The following ABLIM1 variants were observed in gnomAD, a reference collection of about 807,000 sequenced individuals.
ABLIM1 encodes actin binding LIM protein 1.
Under a neutral mutation model 107.0 loss-of-function variants are expected in ABLIM1, and 40 were observed. The ratio of observed to expected loss-of-function variants is 0.37; its 90% CI spans 0.29 to 0.49. ABLIM1 has a LOEUF of 0.49. Ranked by LOEUF, ABLIM1 falls within the 20% of genes least tolerant of loss-of-function variation. The probability of loss-of-function intolerance (pLI) is 0.97; values close to 1 mark genes in which losing one functional copy is unlikely to be tolerated. For synonymous variants in ABLIM1, 357 were observed against 357.3 expected, an observed-to-expected ratio of 1.00 and a Z score of 0.01; for missense variants, 857 against 1,008.5, an observed-to-expected ratio of 0.85 and a Z score of 2.04.
chr10:114,795,709 C>CAA, the ABLIM1 span, among the ~76,000 whole-genome samples: 7 of 109,178 alleles, frequency 6.4e-5, no homozygotes, highest in South Asian at 2.9e-4. Flanking sequence ...GACTCCATCT[C>CAA]AAAAAAAAAA....
chr10:114,638,797 C>T (rs930009282), intron 1 of ABLIM1, among the ~76,000 whole-genome samples: 7 of 152,178 alleles, frequency 4.6e-5, no homozygotes, highest in African/African-American at 1.2e-4. Context: ...ATACCTTATC[C>T]TTCATCGGTT....
At chr10:114,526,894 GGGCA>G (rs2064863181) in intron 6 of ABLIM1, 1 of 985,272 alleles carries the variant, frequency 1.0e-6, no homozygotes, top group African/African-American at 1.7e-5. Flanking sequence ...CGTGTGCGGC[GGGCA>G]GGCACGCTCT....
At chr10:114,585,337 A>G (rs2074064815) in intron 2 of ABLIM1, among the ~76,000 whole-genome samples, 1 of 152,130 alleles carries the variant, frequency 6.6e-6, no homozygotes, top group Non-Finnish European at 1.5e-5. Flanking sequence ...TTTGCCTTTT[A>G]TAAACTCCAG....
intron 1 of ABLIM1, among the ~76,000 whole-genome samples, chr10:114,627,706 A>G (rs1308969531): frequency 2.6e-5 from 4 of 152,244 alleles, no homozygotes; most frequent in Non-Finnish European, 5.9e-5. Flanking sequence ...AAGGCCCATA[A>G]ATAAGGAGGA....
intron 1 of ABLIM1, among the ~76,000 whole-genome samples, chr10:114,758,987 A>G (rs1451528762): frequency 2.6e-5 from 4 of 152,204 alleles, no homozygotes; most frequent in African/African-American, 9.6e-5. Flanking sequence ...ATGCATGTTC[A>G]GCTCTTCCTC....
At chr10:114,495,069 T>C (rs935023407) in intron 6 of ABLIM1, among the ~76,000 whole-genome samples, 1 of 152,202 alleles carries the variant, frequency 6.6e-6, no homozygotes, top group African/African-American at 2.4e-5. Context: ...TGTGCCCTTC[T>C]TAGAGAGAAG....
At chr10:114,589,432 A>C (rs1158634361) in intron 2 of ABLIM1, among the ~76,000 whole-genome samples, 3 of 151,706 alleles carry the variant, frequency 2.0e-5, no homozygotes, top group Non-Finnish European at 2.9e-5. Flanking sequence ...GGGAGGCTGA[A>C]GTATGAGAAT....
intron 6 of ABLIM1, among the ~76,000 whole-genome samples, chr10:114,534,718 G>A (rs2065814260): frequency 6.6e-6 from 1 of 152,224 alleles, no homozygotes; most frequent in South Asian, 2.1e-4. Flanking sequence ...TTGACCTGCC[G>A]GGTCAGTTAC....
chr10:114,522,690 C>T (rs1482981539), intron 6 of ABLIM1, among the ~76,000 whole-genome samples: 1 of 152,218 alleles, frequency 6.6e-6, no homozygotes, highest in African/African-American at 2.4e-5. Flanking sequence ...GAGAAGGACA[C>T]AAACACGTAT....
chr10:114,564,642 C>T (rs1250490488), intron 4 of ABLIM1, among the ~76,000 whole-genome samples: 1 of 152,068 alleles, frequency 6.6e-6, no homozygotes, highest in Non-Finnish European at 1.5e-5. Context: ...ACTTTGTCAT[C>T]ATAACAACTC....
rs527897492 is a variant in ABLIM1 at position 114,690,863 on chromosome 10, A to G, written c.-213+77198T>C. On this transcript the variant is annotated intron_variant, in intron 1 of 15. Coordinates refer to the ABLIM1 transcript ENST00000651092. ...CACTCAGCTAATTTTTGTATTTTTA[A>G]TAGAGACTGGGTTTCGCCATGTTGG... Among the ~76,000 whole-genome samples the G allele has an allele frequency of 7.9e-5, 12 of 152,182 alleles. No individual in the cohort carries two copies. In the East Asian group the frequency reaches 2.3e-3, roughly 29 times the overall value.
intron 1 of ABLIM1, among the ~76,000 whole-genome samples, chr10:114,622,315 T>C (rs1306364510): frequency 6.6e-6 from 1 of 150,456 alleles, no homozygotes; most frequent in African/African-American, 2.4e-5. Flanking sequence ...GGCACGTTCA[T>C]GGCTCATCGC....
At chr10:114,568,217 A>AAAAAAC in intron 4 of ABLIM1, among the ~76,000 whole-genome samples, 1 of 150,990 alleles carries the variant, frequency 6.6e-6, no homozygotes, top group African/African-American at 2.4e-5. Flanking sequence ...AAAAAAAAAA[A>AAAAAAC]AGGCTACTTT....
At chr10:114,718,096 A>AGGAAGGAAGGAAGGGAGG (rs371251423) in intron 1 of ABLIM1, among the ~76,000 whole-genome samples, 1 of 110,204 alleles carries the variant, frequency 9.1e-6, no homozygotes, top group Admixed American at 9.4e-5. Flanking sequence ...GAAGGAAGGA[A>AGGAAGGAAGGAAGGGAGG]AAGAAAAAGA....
chr10:114,708,759 G>T (rs1386307700), intron 1 of ABLIM1, among the ~76,000 whole-genome samples: 2 of 152,118 alleles, frequency 1.3e-5, no homozygotes, highest in Non-Finnish European at 2.9e-5. Flanking sequence ...AAAATCTGGG[G>T]TCAGTTTTTT....
At chr10:114,704,302 C>CTCTCTCTA (rs1380460034) in intron 1 of ABLIM1, among the ~76,000 whole-genome samples, 11 of 43,090 alleles carry the variant, frequency 2.6e-4, no homozygotes, top group African/African-American at 9.2e-4. Context: ...CTCTCTCTCT[C>CTCTCTCTA]TATATATATA....
chr10:114,550,758 C>T (rs563420179), intron 4 of ABLIM1, among the ~76,000 whole-genome samples: 2 of 152,320 alleles, frequency 1.3e-5, no homozygotes, highest in South Asian at 4.1e-4. Flanking sequence ...TTTTCACTGT[C>T]TACATAGTTT....
intron 1 of ABLIM1, among the ~76,000 whole-genome samples, chr10:114,636,907 C>T (rs190427675): frequency 6.6e-6 from 1 of 152,082 alleles, no homozygotes; most frequent in Admixed American, 6.5e-5. Context: ...GTGGCGTGCA[C>T]CTGTAATCTC....
At chr10:114,448,972 G>A (rs2061461154) in intron 14 of ABLIM1, among the ~76,000 whole-genome samples, 1 of 152,164 alleles carries the variant, frequency 6.6e-6, no homozygotes, top group South Asian at 2.1e-4. Flanking sequence ...TAGGAGAAAT[G>A]GAAATTGGAA....
Sources: gnomAD v4.1 joint callset for allele counts (sites outside exome capture counted in the v4.1 genomes callset) on GRCh38, gnomAD v4.1.1 for gene constraint, MANE v1.5 for transcripts, NCBI Gene and HGNC (gene_info 2026-07-23, HGNC 2026-07-21) for gene names.